The following ARB2A variants were observed in gnomAD, a reference collection of about 807,000 sequenced individuals.
ARB2A encodes cotranscriptional regulator ARB2A.
chr5:93,653,210 T>C, the ARB2A span, among the ~76,000 whole-genome samples: 1 of 152,018 alleles, frequency 6.6e-6, no homozygotes, highest in Admixed American at 6.6e-5. Flanking sequence ...ACTAGATGTT[T>C]TCTTCTGGTC....
At chr5:94,010,757 GTATAAT>G in the ARB2A span, among the ~76,000 whole-genome samples, 2 of 151,742 alleles carry the variant, frequency 1.3e-5, no homozygotes, top group Non-Finnish European at 2.9e-5. Context: ...CCACCAAAAA[GTATAAT>G]TATTATTATT....
the ARB2A span, among the ~76,000 whole-genome samples, chr5:93,846,310 C>A: frequency 6.6e-6 from 1 of 150,774 alleles, no homozygotes; most frequent in African/African-American, 2.4e-5. Context: ...TTGAGACCAG[C>A]GTGGGTAACA....
the ARB2A span, among the ~76,000 whole-genome samples, chr5:93,922,276 G>A: frequency 6.6e-6 from 1 of 151,892 alleles, no homozygotes; most frequent in African/African-American, 2.4e-5. Flanking sequence ...GGAGATTGTG[G>A]ATATGGGGGA....
At chr5:93,642,415 C>G in the ARB2A span, among the ~76,000 whole-genome samples, 2 of 152,080 alleles carry the variant, frequency 1.3e-5, no homozygotes, top group Non-Finnish European at 2.9e-5. Flanking sequence ...CTCTGTCACT[C>G]AGGCTGGAGT....
chr5:93,889,901 A>T, the ARB2A span, among the ~76,000 whole-genome samples: 1 of 151,910 alleles, frequency 6.6e-6, no homozygotes, highest in Admixed American at 6.6e-5. Flanking sequence ...CTTTTCTTTC[A>T]AAGAGACAAG....
the ARB2A span, among the ~76,000 whole-genome samples, chr5:93,623,404 C>T: frequency 7.2e-5 from 11 of 152,278 alleles, no homozygotes; most frequent in Non-Finnish European, 1.5e-4. Flanking sequence ...TCAGGGAATT[C>T]CCCTCATAAT....
the ARB2A span, among the ~76,000 whole-genome samples, chr5:93,849,043 T>C: frequency 6.6e-6 from 1 of 152,178 alleles, no homozygotes; most frequent in Admixed American, 6.5e-5. Flanking sequence ...AGAAGCACAT[T>C]TGTTACAGCA....
chr5:94,034,059 G>A, the ARB2A span, among the ~76,000 whole-genome samples: 2 of 152,144 alleles, frequency 1.3e-5, no homozygotes, highest in African/African-American at 4.8e-5. Context: ...TGCAGCATGA[G>A]GCCCTCACCA....
At chr5:94,054,942 T>C in the ARB2A span, among the ~76,000 whole-genome samples, 1 of 152,200 alleles carries the variant, frequency 6.6e-6, no homozygotes, top group Non-Finnish European at 1.5e-5. Flanking sequence ...CTGTGTCCCT[T>C]TGACATGCTC....
the ARB2A span, among the ~76,000 whole-genome samples, chr5:93,849,892 T>G: frequency 6.6e-6 from 1 of 152,158 alleles, no homozygotes; most frequent in Non-Finnish European, 1.5e-5. Flanking sequence ...CCTAAACCCA[T>G]GAAAAGTGAT....
At chr5:93,933,981 G>C in the ARB2A span, among the ~76,000 whole-genome samples, 2 of 151,984 alleles carry the variant, frequency 1.3e-5, no homozygotes. Context: ...ATTACAGCCT[G>C]GGTACAGAGC....
chr5:93,925,077 T>TAAAA, the ARB2A span, among the ~76,000 whole-genome samples: 1 of 151,814 alleles, frequency 6.6e-6, no homozygotes, highest in African/African-American at 2.4e-5. Context: ...GTATGGTCAT[T>TAAAA]AAAAAAAAGA....
chr5:93,728,871 CT>C, the ARB2A span, among the ~76,000 whole-genome samples: 1 of 152,016 alleles, frequency 6.6e-6, no homozygotes, highest in African/African-American at 2.4e-5. Context: ...TGTTCAATGT[CT>C]TTTTGAAAGA....
the ARB2A span, among the ~76,000 whole-genome samples, chr5:93,679,063 TA>T: frequency 6.6e-6 from 1 of 152,190 alleles, no homozygotes; most frequent in African/African-American, 2.4e-5. Flanking sequence ...TAACAATTTC[TA>T]AAAAATGAAA....
chr5:93,979,708 G>T, the ARB2A span, among the ~76,000 whole-genome samples: 4 of 151,830 alleles, frequency 2.6e-5, no homozygotes, highest in Non-Finnish European at 5.9e-5. Context: ...TTTATTCTTT[G>T]TAGTTACTGA....
chr5:93,871,718 T>A, the ARB2A span, among the ~76,000 whole-genome samples: 1 of 152,194 alleles, frequency 6.6e-6, no homozygotes, highest in Admixed American at 6.5e-5. Context: ...TAAAATGCTA[T>A]TTATGTCATC....
the ARB2A span, among the ~76,000 whole-genome samples, chr5:93,980,332 C>A: frequency 6.6e-6 from 1 of 152,138 alleles, no homozygotes; most frequent in Non-Finnish European, 1.5e-5. Flanking sequence ...AGCTGTCAGT[C>A]TAGCTGAGGT....
At chr5:93,952,968 T>C in the ARB2A span, among the ~76,000 whole-genome samples, 4 of 152,242 alleles carry the variant, frequency 2.6e-5, no homozygotes, top group East Asian at 7.7e-4. Context: ...AACTGCATTT[T>C]CAACTCCAGA....
the ARB2A span, among the ~76,000 whole-genome samples, chr5:93,773,948 T>G: frequency 6.6e-6 from 1 of 152,194 alleles, no homozygotes; most frequent in Non-Finnish European, 1.5e-5. Flanking sequence ...TAAAAAATTT[T>G]TTTTGGAGAG....
Sources: allele counts gnomAD v4.1 joint callset (sites outside exome capture counted in the v4.1 genomes callset), GRCh38; gene constraint gnomAD v4.1.1; transcripts MANE v1.5; gene names NCBI Gene and HGNC (gene_info 2026-07-23, HGNC 2026-07-21).